Variants in VWC2L observed in about 807,000 individuals in gnomAD.
VWC2L encodes von Willebrand factor C domain containing 2 like, also known as von Willebrand factor C domain-containing protein 2-like.
Under a neutral mutation model 21.6 loss-of-function variants are expected in VWC2L, and 10 were observed. The observed-to-expected ratio is 0.46, with a 90% CI of 0.29 to 0.78. The LOEUF (loss-of-function observed/expected upper bound fraction) is 0.78. Among genes scored for constraint, VWC2L ranks in the 30% least tolerant of loss-of-function variants. The pLI is 0.10. For synonymous variants in VWC2L, 96 were observed against 94.3 expected, an observed-to-expected ratio of 1.02 and a Z score of -0.10; for missense variants, 209 against 277.1, an observed-to-expected ratio of 0.75 and a Z score of 1.74.
intron 3 of VWC2L, among the ~76,000 whole-genome samples, chr2:214,547,164 A>T (rs1689721731): frequency 6.7e-6 from 1 of 149,980 alleles, no homozygotes; most frequent in Non-Finnish European, 1.5e-5. Context: ...AAACTGGAAG[A>T]TTGAGGAAAT....
At chr2:214,474,985 G>T (rs1000382777) in intron 3 of VWC2L, among the ~76,000 whole-genome samples, 1 of 152,138 alleles carries the variant, frequency 6.6e-6, no homozygotes, top group Non-Finnish European at 1.5e-5. Flanking sequence ...ATTTCAGAGA[G>T]AATTAGGAAT....
chr2:214,558,872 T>A (rs189203766), intron 3 of VWC2L, among the ~76,000 whole-genome samples: 1,773 of 152,238 alleles, frequency 0.012, 12 homozygotes, highest in Middle Eastern at 0.024. Context: ...TTCTTTTTTT[T>A]AAATTTTTTT....
At chr2:214,514,436 T>C (rs1231292070) in intron 3 of VWC2L, among the ~76,000 whole-genome samples, 1 of 152,214 alleles carries the variant, frequency 6.6e-6, no homozygotes, top group Non-Finnish European at 1.5e-5. Context: ...TTTCCATTCA[T>C]TTTAGTCTCT....
chr2:214,476,552 T>A (rs1382498916), intron 3 of VWC2L, among the ~76,000 whole-genome samples: 1 of 152,152 alleles, frequency 6.6e-6, no homozygotes, highest in Admixed American at 6.6e-5. Context: ...CTAAAAAGAT[T>A]ACTTGTAGTT....
chr2:214,572,473 A>G (rs1574643873), intron 3 of VWC2L, among the ~76,000 whole-genome samples: 1 of 152,016 alleles, frequency 6.6e-6, no homozygotes, highest in Non-Finnish European at 1.5e-5. Flanking sequence ...CATTGAATTC[A>G]CTCTTTTAAG....
chr2:214,477,443 C>T (rs924570491), intron 3 of VWC2L, among the ~76,000 whole-genome samples: 3 of 151,324 alleles, frequency 2.0e-5, no homozygotes, highest in Non-Finnish European at 2.9e-5. Context: ...GATTTACAAC[C>T]CCCTCCTGAT....
At chr2:214,551,221 G>A (rs1339185800) in intron 3 of VWC2L, among the ~76,000 whole-genome samples, 1 of 152,210 alleles carries the variant, frequency 6.6e-6, no homozygotes, top group South Asian at 2.1e-4. Context: ...ATAACATGCT[G>A]CAAGTATAAA....
At chr2:214,515,577 G>A (rs753673386) in intron 3 of VWC2L, among the ~76,000 whole-genome samples, 15 of 151,934 alleles carry the variant, frequency 9.9e-5, no homozygotes, top group Non-Finnish European at 1.8e-4. Flanking sequence ...TTTTTGAGAC[G>A]GAGTCTCGCT....
intron 3 of VWC2L, among the ~76,000 whole-genome samples, chr2:214,516,633 C>G (rs1474784953): frequency 6.7e-6 from 1 of 148,384 alleles, no homozygotes; most frequent in African/African-American, 2.5e-5. Flanking sequence ...AATTGTGCTG[C>G]CAGAGAAACA....
intron 3 of VWC2L, among the ~76,000 whole-genome samples, chr2:214,491,937 T>C (rs1446724561): frequency 1.3e-5 from 2 of 152,206 alleles, no homozygotes; most frequent in African/African-American, 4.8e-5. Context: ...CTCTCAGTTA[T>C]GGGATAGCTG....
intron 3 of VWC2L, among the ~76,000 whole-genome samples, chr2:214,560,195 C>T (rs1021435547): frequency 3.3e-5 from 5 of 152,134 alleles, no homozygotes; most frequent in Admixed American, 6.6e-5. Flanking sequence ...AATTTACCAA[C>T]GGCATGTGTA....
chr2:214,446,085 GCAAATTGTC>G (rs1360386657), intron 3 of VWC2L, among the ~76,000 whole-genome samples: 2 of 152,182 alleles, frequency 1.3e-5, no homozygotes, highest in East Asian at 3.8e-4. Flanking sequence ...AGAATTGGGT[GCAAATTGTC>G]CACCTTAATT....
At chr2:214,463,696 TATTTA>T (rs534500208) in intron 3 of VWC2L, among the ~76,000 whole-genome samples, 285 of 152,262 alleles carry the variant, frequency 1.9e-3, no homozygotes, top group African/African-American at 6.6e-3. Context: ...AAGCTGTAAT[TATTTA>T]ATTTTTTATT....
intron 3 of VWC2L, among the ~76,000 whole-genome samples, chr2:214,546,463 G>C (rs1181365035): frequency 6.6e-6 from 1 of 152,068 alleles, no homozygotes; most frequent in Non-Finnish European, 1.5e-5. Context: ...CTTTATCCTA[G>C]AAATGGCCAC....
At chr2:214,471,396 T>G (rs1450220984) in intron 3 of VWC2L, among the ~76,000 whole-genome samples, 1 of 152,214 alleles carries the variant, frequency 6.6e-6, no homozygotes, top group Admixed American at 6.5e-5. Flanking sequence ...AACTGTTTTA[T>G]GCACTGTAGA....
At chr2:214,447,538 C>T (rs1321144126) in intron 3 of VWC2L, among the ~76,000 whole-genome samples, 1 of 152,130 alleles carries the variant, frequency 6.6e-6, no homozygotes, top group Non-Finnish European at 1.5e-5. Flanking sequence ...AATCCCAGAG[C>T]CAACCGCGCC....
intron 3 of VWC2L, among the ~76,000 whole-genome samples, chr2:214,492,729 T>C (rs75977346): frequency 0.013 from 2,016 of 152,318 alleles, 45 homozygotes; most frequent in African/African-American, 0.045. Flanking sequence ...TCATTTTTTT[T>C]CTTAATTTTG....
At chr2:214,560,698 G>A (rs959384951) in intron 3 of VWC2L, among the ~76,000 whole-genome samples, 1 of 152,038 alleles carries the variant, frequency 6.6e-6, no homozygotes, top group Admixed American at 6.6e-5. Context: ...TTTCTGTCCA[G>A]TGATAACTGG....
At chr2:214,444,306 A>C (rs1251732666) in intron 3 of VWC2L, among the ~76,000 whole-genome samples, 1 of 152,028 alleles carries the variant, frequency 6.6e-6, no homozygotes, top group Non-Finnish European at 1.5e-5. Context: ...GATTGTTTTA[A>C]AAAGATCAAT....
Sources: gnomAD v4.1 joint callset for allele counts (sites outside exome capture counted in the v4.1 genomes callset) on GRCh38, gnomAD v4.1.1 for gene constraint, MANE v1.5 for transcripts, NCBI Gene and HGNC (gene_info 2026-07-23, HGNC 2026-07-21) for gene names.